Variants in CSRNP3 observed in about 807,000 individuals in gnomAD.
The protein encoded by CSRNP3 is cysteine/serine-rich nuclear protein 3.
Under a neutral mutation model 48.0 loss-of-function variants are expected in CSRNP3, and 12 were observed. The observed-to-expected ratio is 0.25, with a 90% confidence interval of 0.16 to 0.41. The LOEUF (loss-of-function observed/expected upper bound fraction) is 0.41, where lower values mean the gene tolerates loss of function less well. CSRNP3 is among the 10% of genes least tolerant of loss of function. The pLI, the probability that CSRNP3 is intolerant of heterozygous loss-of-function variation, is 1.00. For synonymous variants in CSRNP3, 263 were observed against 269.7 expected (o/e 0.98, Z 0.24); for missense variants, 580 against 724.4 (o/e 0.80, Z 2.29).
At position 165,687,271 on chromosome 2, in the gene CSRNP3, T is replaced by C. The variant is rs1687644822; in HGVS notation, c.*7518T>C. ...GATTCAGAGACAATGGTCTGTAACA[T>C]GACCAACTTTTGACAAATATGGCTG... On this transcript the variant is annotated 3_prime_UTR_variant, in exon 7 of 7. Coordinates refer to ENST00000651982, the MANE Select transcript of CSRNP3 (RefSeq NM_001172173.2). 6.6e-6 allele frequency: 1 copy of C among 152,138 alleles called. No homozygotes were observed. Among genetic ancestry groups the C allele is most frequent in the African/African-American group, 2.4e-5 (1 of 41,446 alleles). The allele number at this position is 152,138 out of a possible 1,614,324, so 9.4% of individuals were successfully genotyped here. A position where few individuals can be genotyped will look rare whatever the true frequency, so the allele number is the denominator to read the frequency against.
intron 5 of CSRNP3, among the ~76,000 whole-genome samples, chr2:165,662,530 T>C (rs941103366): frequency 6.6e-6 from 1 of 152,238 alleles, no homozygotes; most frequent in Non-Finnish European, 1.5e-5. Flanking sequence ...TGCAGTCATC[T>C]TAATACTATA....
chr2:165,600,487 T>C (rs1246062387), intron 4 of CSRNP3, among the ~76,000 whole-genome samples: 1 of 152,222 alleles, frequency 6.6e-6, no homozygotes, highest in Non-Finnish European at 1.5e-5. Flanking sequence ...TTTCTAGTTC[T>C]AGATCCCTGA....
intron 4 of CSRNP3, among the ~76,000 whole-genome samples, chr2:165,608,200 T>A (rs894273037): frequency 2.0e-5 from 3 of 151,936 alleles, no homozygotes; most frequent in Admixed American, 6.6e-5. Context: ...ATTAAACAGA[T>A]AATGCACTCA....
chr2:165,481,079 T>C (rs1375296729), intron 1 of CSRNP3, among the ~76,000 whole-genome samples: 1 of 152,064 alleles, frequency 6.6e-6, no homozygotes, highest in Admixed American at 6.6e-5. Flanking sequence ...ACATGTCCCT[T>C]TAGAGGTTTG....
At chr2:165,545,922 C>T (rs1034790016) in intron 3 of CSRNP3, among the ~76,000 whole-genome samples, 3 of 151,968 alleles carry the variant, frequency 2.0e-5, no homozygotes, top group African/African-American at 7.3e-5. Flanking sequence ...AGGTAATTTG[C>T]TAAACACTCT....
chr2:165,510,241 C>A (rs766262108), intron 2 of CSRNP3, among the ~76,000 whole-genome samples: 2 of 152,076 alleles, frequency 1.3e-5, no homozygotes, highest in Non-Finnish European at 2.9e-5. Flanking sequence ...TGGTGGTGAT[C>A]AAGCTTTGCT....
At chr2:165,676,661 C>T in intron 6 of CSRNP3, 53 bp downstream of exon 6, 1 of 1,526,474 alleles carries the variant, frequency 6.6e-7, no homozygotes, top group Non-Finnish European at 9.0e-7. Context: ...CTACCACCCC[C>T]TAAGGAGGCA....
chr2:165,652,621 C>G lies in CSRNP3; in HGVS notation c.149-5140C>G, dbSNP rs1299900228. Among the ~76,000 whole-genome samples the G allele has an allele frequency of 2.0e-5, 3 of 152,292 alleles. No homozygotes were observed. In the South Asian group the frequency reaches 6.2e-4, roughly 32 times the overall value. ...GCAGTAGTGTAATCTCAGCTCCCCACAACCTCTGCCTCCTGGGCTCAAGTG... is the reference window on the plus strand; with the variant it reads ...GCAGTAGTGTAATCTCAGCTCCCCAGAACCTCTGCCTCCTGGGCTCAAGTG... On this transcript the variant is annotated intron_variant, in intron 4 of 6. Coordinates refer to ENST00000651982, the MANE Select transcript of CSRNP3 (RefSeq NM_001172173.2).
intron 3 of CSRNP3, among the ~76,000 whole-genome samples, chr2:165,581,773 G>A (rs1033461817): frequency 6.6e-6 from 1 of 152,076 alleles, no homozygotes; most frequent in Non-Finnish European, 1.5e-5. Context: ...CCGACCTCAG[G>A]CAATCCGCCC....
chr2:165,592,358 G>C (rs1309620224), intron 3 of CSRNP3, among the ~76,000 whole-genome samples: 2 of 152,148 alleles, frequency 1.3e-5, no homozygotes, highest in Non-Finnish European at 2.9e-5. Flanking sequence ...AACTTGCCTT[G>C]CCTCAGATGA....
chr2:165,617,386 A>G (rs985602881), intron 4 of CSRNP3, among the ~76,000 whole-genome samples: 4 of 151,082 alleles, frequency 2.6e-5, no homozygotes, highest in Non-Finnish European at 4.4e-5. Flanking sequence ...TTGGGTGGGC[A>G]TTGTAGCCTA....
intron 3 of CSRNP3, among the ~76,000 whole-genome samples, chr2:165,522,675 C>A (rs1684678462): frequency 6.6e-6 from 1 of 151,646 alleles, no homozygotes; most frequent in South Asian, 2.1e-4. Context: ...GTAATAAACT[C>A]TTTTCCTTTC....
At chr2:165,577,877 A>G (rs1005230679) in intron 3 of CSRNP3, among the ~76,000 whole-genome samples, 5 of 151,950 alleles carry the variant, frequency 3.3e-5, no homozygotes, top group Non-Finnish European at 7.4e-5. Flanking sequence ...TATTTCTCGT[A>G]CGTACTGAAC....
chr2:165,669,546 GA>G (rs1687294167), intron 5 of CSRNP3, among the ~76,000 whole-genome samples: 1 of 152,108 alleles, frequency 6.6e-6, no homozygotes, highest in Admixed American at 6.5e-5. Context: ...TCATTCCACT[GA>G]TTCTGACAGT....
intron 3 of CSRNP3, among the ~76,000 whole-genome samples, chr2:165,566,508 T>C (rs538587982): frequency 2.0e-5 from 3 of 151,820 alleles, no homozygotes; most frequent in African/African-American, 7.2e-5. Flanking sequence ...AAAATGGAGA[T>C]AGTAAAAGTA....
At chr2:165,519,059 C>T (rs1312049740) in intron 3 of CSRNP3, among the ~76,000 whole-genome samples, 2 of 152,030 alleles carry the variant, frequency 1.3e-5, no homozygotes, top group Non-Finnish European at 2.9e-5. Context: ...CTTCTGTTAG[C>T]CTAGAATACT....
At chr2:165,576,634 C>G (rs1417550957) in intron 3 of CSRNP3, among the ~76,000 whole-genome samples, 1 of 151,978 alleles carries the variant, frequency 6.6e-6, no homozygotes, top group Non-Finnish European at 1.5e-5. Context: ...TAATTTATGT[C>G]TCTATGCAGA....
chr2:165,673,903 C>T (rs539189599), intron 5 of CSRNP3, among the ~76,000 whole-genome samples: 1 of 152,090 alleles, frequency 6.6e-6, no homozygotes. Flanking sequence ...CGCCTGTAAT[C>T]CCAGCTACTC....
At chr2:165,660,632 A>G (rs921127341) in intron 5 of CSRNP3, among the ~76,000 whole-genome samples, 2 of 152,192 alleles carry the variant, frequency 1.3e-5, no homozygotes, top group African/African-American at 4.8e-5. Flanking sequence ...CCCATGTGCT[A>G]TGTACTATAA....
Sources: allele counts gnomAD v4.1 joint callset (sites outside exome capture counted in the v4.1 genomes callset), GRCh38; gene constraint gnomAD v4.1.1; transcripts MANE v1.5; gene names NCBI Gene and HGNC (gene_info 2026-07-23, HGNC 2026-07-21).